The following CLEC2L variants were observed in gnomAD, a reference collection of about 807,000 sequenced individuals.
The protein encoded by CLEC2L is C-type lectin domain family 2, member L.
In CLEC2L, 14 loss-of-function variants were observed where a neutral mutation model predicts 23.6. The observed-to-expected ratio is 0.59, with a 90% CI of 0.39 to 0.93. CLEC2L has a LOEUF of 0.93. Ranked by LOEUF, CLEC2L falls within the 40% of genes least tolerant of loss-of-function variation. The pLI, the probability that CLEC2L is intolerant of heterozygous loss-of-function variation, is 0.00. For synonymous variants in CLEC2L, 114 were observed against 121.3 expected, an observed-to-expected ratio of 0.94 and a Z score of 0.40; for missense variants, 264 against 282.4, an observed-to-expected ratio of 0.93 and a Z score of 0.47.
At chr7:139,527,171 T>C (rs1797518105) in intron 1 of CLEC2L, among the ~76,000 whole-genome samples, 1 of 152,218 alleles carries the variant, frequency 6.6e-6, no homozygotes, top group African/African-American at 2.4e-5. Context: ...GTGAGTGTTC[T>C]GTTTCATAGA....
In CLEC2L at chr7:139,536,309, G is replaced by T; in HGVS notation, c.226G>T (p.Val76Phe). 4 of 1,551,532 alleles carry T rather than the reference G, an allele frequency of 2.6e-6. No homozygotes were observed. The highest frequency in any genetic ancestry group is 2.6e-6 in the Non-Finnish European group (3 of 1,146,888). ...ACGCCTCCTGCTGGGTGCCATCGCG[G>T]TCCTTCTGTTCGCCATCTTGGTGGT... ...TTRLLLGAIA[V>F]LLFAILVVMS... Residue 76 changes from valine (V) to phenylalanine (F), a missense_variant, in exon 2 of 5, where the codon GTC becomes TTC. By Grantham distance (50) the Val-to-Phe change is conservative (BLOSUM62 -1). Transcript: ENST00000422142.
At chr7:139,543,950 A>G (rs1344237566) in intron 4 of CLEC2L, among the ~76,000 whole-genome samples, 1 of 152,154 alleles carries the variant, frequency 6.6e-6, no homozygotes, top group African/African-American at 2.4e-5. Flanking sequence ...AGCCTGGGAC[A>G]TGTGAGCCGA....
intron 1 of CLEC2L, among the ~76,000 whole-genome samples, chr7:139,530,190 AAAACC>A (rs555258385): frequency 2.4e-4 from 37 of 152,148 alleles, no homozygotes; most frequent in African/African-American, 6.3e-4. Flanking sequence ...TGTCAAAAAA[AAAACC>A]AAACCAAACC....
chr7:139,543,992 A>C (rs1452931658), intron 4 of CLEC2L, among the ~76,000 whole-genome samples: 1 of 152,180 alleles, frequency 6.6e-6, no homozygotes, highest in African/African-American at 2.4e-5. Flanking sequence ...GGGGAAGTGC[A>C]TGTGTGTCCA....
chr7:139,525,618 G>A (rs1797496190), intron 1 of CLEC2L, among the ~76,000 whole-genome samples: 1 of 152,172 alleles, frequency 6.6e-6, no homozygotes, highest in African/African-American at 2.4e-5. Flanking sequence ...TCCTGCCAAA[G>A]CTATTTCTTG....
At chr7:139,542,897 T>C (rs1797757509) in intron 4 of CLEC2L, among the ~76,000 whole-genome samples, 1 of 151,638 alleles carries the variant, frequency 6.6e-6, no homozygotes, top group African/African-American at 2.4e-5. Flanking sequence ...TGCAGGGAAG[T>C]GTGCAGAGGG....
chr7:139,536,605 G>A (rs913601837), intron 2 of CLEC2L, among the ~76,000 whole-genome samples: 2 of 152,120 alleles, frequency 1.3e-5, no homozygotes, highest in Non-Finnish European at 2.9e-5. Flanking sequence ...AGTGTTGTGA[G>A]AACTCAGAAC....
At chr7:139,531,098 T>C (rs1156542027) in intron 1 of CLEC2L, among the ~76,000 whole-genome samples, 2 of 152,172 alleles carry the variant, frequency 1.3e-5, no homozygotes, top group Non-Finnish European at 2.9e-5. Context: ...ATCTATGGGC[T>C]TGGAGGCTCC....
rs1797699271 is a variant in CLEC2L at position 139,539,018 on chromosome 7, GAT to G, written c.266-1296_266-1295del. On this transcript the variant is annotated intron_variant, in intron 2 of 4. Coordinates refer to ENST00000422142, the MANE Select transcript of CLEC2L (RefSeq NM_001080511.4). The surrounding 1 kb of genome is among the most constrained non-coding windows in gnomAD (Gnocchi z 4.1). ...AGGTGGACTTGCATCTCATTGAACA[GAT>G]ATATATGCCAGGGGGTGTCGATGAA... is the stretch of plus-strand genomic sequence containing the variant. The G allele has an allele frequency of 6.6e-6, 1 of 152,220 alleles. No individual in the cohort carries two copies. Among genetic ancestry groups the G allele is most frequent in the Admixed American group, 6.5e-5 (1 of 15,278 alleles). The allele number at this position is 152,220 out of a possible 1,614,324, so 9.4% of individuals were successfully genotyped here.
chr7:139,532,879 A>G (rs1797599746), intron 1 of CLEC2L, among the ~76,000 whole-genome samples: 1 of 152,202 alleles, frequency 6.6e-6, no homozygotes, highest in Admixed American at 6.5e-5. Flanking sequence ...CCAGTCTATG[A>G]CAGTTTGTTA....
intron 1 of CLEC2L, 34 bp from the exon 2 acceptor site, chr7:139,536,239 GC>G: frequency 6.6e-7 from 1 of 1,524,824 alleles, no homozygotes; most frequent in Non-Finnish European, 8.9e-7. Flanking sequence ...GGTGGGATGG[GC>G]GGTGGGATGT....
intron 1 of CLEC2L, among the ~76,000 whole-genome samples, chr7:139,532,565 TG>T (rs1198921644): frequency 6.6e-6 from 1 of 152,194 alleles, no homozygotes; most frequent in Non-Finnish European, 1.5e-5. Flanking sequence ...GCCTGCACGT[TG>T]GTTTCCTCCC....
chr7:139,524,056 G>T lies in CLEC2L; in HGVS notation c.129G>T (p.Gly43=), dbSNP rs982493203. 3.3e-6 allele frequency: 4 copies of T among 1,220,240 alleles called. No homozygotes were observed. The highest frequency in any genetic ancestry group is 4.1e-6 in the Non-Finnish European group (4 of 978,950). 75.6% of individuals were successfully genotyped at this position (1,220,240 alleles called of 1,614,324 possible). Residue 43 remains glycine, a synonymous_variant, in exon 1 of 5, where the codon GGG becomes GGT. Coordinates refer to ENST00000422142, the MANE Select transcript of CLEC2L (RefSeq NM_001080511.4). ...PAEAEARGPE[G]LLRRSGSGYE... ...AGGCTGAGGCCCGCGGCCCCGAGGG[G>T]CTGCTGCGGCGATCCGGGTCGGGCT...
In CLEC2L at chr7:139,540,169, C is replaced by T; in HGVS notation, c.266-152C>T. ...TCCCCTTTCTCATTCATTTAGTGGC[C>T]ACCCTTTTACCTCCAGGCACCAGGA... On this transcript the variant is annotated intron_variant, in intron 2 of 4. Coordinates refer to ENST00000422142, the MANE Select transcript of CLEC2L (RefSeq NM_001080511.4). This position sits in a 1 kb window ranked among gnomAD's most constrained non-coding sequence, Gnocchi z 5.8. 2 of 696,830 alleles carry T rather than the reference C, an allele frequency of 2.9e-6. No homozygotes were observed. The highest frequency in any genetic ancestry group is 2.3e-6 in the Non-Finnish European group (1 of 426,202). The allele number at this position is 696,830 out of a possible 1,614,324, so 43.2% of individuals were successfully genotyped here. A position where few individuals can be genotyped will look rare whatever the true frequency, so the allele number is the denominator to read the frequency against.
In CLEC2L at chr7:139,539,762, T is replaced by C. The variant is rs1396067181; in HGVS notation, c.266-559T>C. On this transcript the variant is annotated intron_variant, in intron 2 of 4. Transcript: ENST00000422142. This position sits in a 1 kb window ranked among gnomAD's most constrained non-coding sequence, Gnocchi z 4.1. The stretch of plus-strand genomic sequence containing the variant: ...GGGGGTAGAAGACAGAGCGGGTGTC[T>C]CTGGGTCACTCCAGAGGCCTTAGAC... 1 of 153,424 alleles carries C rather than the reference T, an allele frequency of 6.5e-6. No homozygotes were observed. The highest frequency in any genetic ancestry group is 2.1e-4 in the South Asian group (1 of 4,864). The allele number at this position is 153,424 out of a possible 1,614,324, so 9.5% of individuals were successfully genotyped here.
In CLEC2L at chr7:139,542,032, C is replaced by A; in HGVS notation, c.444C>A (p.Phe148Leu). The A allele has an allele frequency of 6.2e-7, 1 of 1,611,642 alleles. No homozygotes were observed. The highest frequency in any genetic ancestry group is 1.1e-5 in the South Asian group (1 of 90,326). Reference protein sequence around the residue: ...IQSQKELEFMFKFTRREPWIG... With the variant: ...IQSQKELEFMLKFTRREPWIG... The stretch of plus-strand genomic sequence containing the variant: ...TTTCCTCGGTGCAGGAATTTATGTT[C>A]AAGTTCACGCGGAGGGAGCCCTGGA... Residue 148 changes from phenylalanine to leucine, a missense_variant, in exon 4 of 5, where the codon TTC (phenylalanine) becomes TTA (leucine). Transcript: ENST00000422142.
At chr7:139,530,813 CAAAA>C (rs34317849) in intron 1 of CLEC2L, among the ~76,000 whole-genome samples, 27 of 80,644 alleles carry the variant, frequency 3.3e-4, no homozygotes, top group African/African-American at 1.2e-3. Context: ...ACTCTTGTCT[CAAAA>C]AAAAAAAAAA....
At chr7:139,525,015 A>G (rs912227733) in intron 1 of CLEC2L, among the ~76,000 whole-genome samples, 7 of 152,136 alleles carry the variant, frequency 4.6e-5, no homozygotes, top group Admixed American at 1.3e-4. Context: ...CCAGAGCATG[A>G]CGTATCCCAG....
rs1797685704 is a variant in CLEC2L, at chr7:139,538,176, TA to T, written c.265+1830del. ...AGCCGGGTGCAGTGGCTCAAGCCTG[TA>T]ATCCCAGCACTTCGGGAGGCCAAGG... On this transcript the variant is annotated intron_variant, in intron 2 of 4. Coordinates refer to ENST00000422142, the MANE Select transcript of CLEC2L (RefSeq NM_001080511.4). Among the ~76,000 whole-genome samples the T allele has an allele frequency of 2.0e-5, 3 of 152,310 alleles. No homozygotes were observed. In the South Asian group the frequency reaches 6.2e-4, roughly 32 times the overall value.
Sources: gnomAD v4.1 joint callset for allele counts (sites outside exome capture counted in the v4.1 genomes callset) on GRCh38, gnomAD v4.1.1 for gene constraint, Gnocchi (gnomAD v3.1) non-coding constraint, MANE v1.5 for transcripts, NCBI Gene and HGNC (gene_info 2026-07-23, HGNC 2026-07-21) for gene names.